INPP5B: variants seen among roughly 807,000 people sequenced by gnomAD.
INPP5B encodes inositol polyphosphate-5-phosphatase B, also known as type II inositol 1,4,5-trisphosphate 5-phosphatase.
A neutral mutation model predicts 118.5 loss-of-function variants in INPP5B; 90 were observed. That is an observed-to-expected ratio of 0.76 (90% CI 0.64 to 0.90). The LOEUF is 0.90. INPP5B is among the 40% of genes least tolerant of loss of function. The probability of loss-of-function intolerance (pLI) is 0.00; values close to 1 mark genes in which losing one functional copy is unlikely to be tolerated. For synonymous variants in INPP5B, 385 were observed against 418.9 expected (o/e 0.92, Z 0.99); for missense variants, 984 against 1,125.6 (o/e 0.87, Z 1.80).
chr1:37,944,855 G>A (rs1646062633), intron 3 of INPP5B, among the ~76,000 whole-genome samples: 1 of 152,084 alleles, frequency 6.6e-6, no homozygotes, highest in Non-Finnish European at 1.5e-5. Context: ...CTAGGCTCAA[G>A]CAATCTTCCT....
At position 37,881,329 on chromosome 1, in the gene INPP5B, C is replaced by T. The variant is rs567821124; in HGVS notation, c.1432-1135G>A. On this transcript the variant is annotated intron_variant, in intron 14 of 23. Transcript: ENST00000373024. Reference sequence around the variant, plus strand: ...CACTGTCAACTTAAACAGTGCCTGACACATTAGGAAAACAGCTAGCATCCT... The same window carrying T: ...CACTGTCAACTTAAACAGTGCCTGATACATTAGGAAAACAGCTAGCATCCT... 3.2e-4 allele frequency among the ~76,000 whole-genome samples: 48 copies of T among 152,268 alleles called. No homozygotes were observed. In the South Asian group the frequency reaches 9.1e-3, roughly 29 times the overall value.
intron 7 of INPP5B, among the ~76,000 whole-genome samples, chr1:37,910,293 G>A (rs1396692271): frequency 6.6e-6 from 1 of 152,064 alleles, no homozygotes; most frequent in African/African-American, 2.4e-5. Flanking sequence ...AACTGTTGTG[G>A]GTATTGACAG....
chr1:37,896,399 G>A (rs1482863069), intron 7 of INPP5B, among the ~76,000 whole-genome samples: 17 of 151,718 alleles, frequency 1.1e-4, no homozygotes, highest in Admixed American at 1.1e-3. Context: ...CCGCCCGGCA[G>A]CCACCTCGTC....
At chr1:37,885,897 T>C (rs1422506267) in intron 12 of INPP5B, 72 bp from the exon 13 acceptor site, 5 of 1,452,782 alleles carry the variant, frequency 3.4e-6, no homozygotes, top group Non-Finnish European at 4.8e-6. Context: ...ACAAACTTTC[T>C]GGCCGGGCAC....
At chr1:37,905,863 T>C (rs1644486247) in intron 7 of INPP5B, among the ~76,000 whole-genome samples, 1 of 152,240 alleles carries the variant, frequency 6.6e-6, no homozygotes, top group South Asian at 2.1e-4. Flanking sequence ...TGCTGATCCC[T>C]TGTTTTGTTG....
In INPP5B at chr1:37,874,117, T is replaced by A. The variant is rs1642640277; in HGVS notation, c.1827A>T (p.Val609=). 6.3e-7 allele frequency: 1 copy of A among 1,594,218 alleles called. No individual in the cohort carries two copies. The highest frequency in any genetic ancestry group is 1.3e-5 in the African/African-American group (1 of 74,634). ...FQNVKYMQLK[V]ESFTIHNGQV... ...GTCCATTATGAATTGTAAAGGATTC[T>A]ACTTTCAATTGCATGTACTTCACAT... The change falls in exon 18 of 24, where the codon GTA becomes GTT. Residue 609 remains valine, a synonymous_variant. Transcript: ENST00000373024.
chr1:37,931,617 G>C (rs1158298314), intron 7 of INPP5B: 28 of 1,536,882 alleles, frequency 1.8e-5, no homozygotes, highest in Non-Finnish European at 2.3e-5. Context: ...CGAGGGCCGG[G>C]CGCACCGCCG....
At chr1:37,944,756 AT>A (rs1646056296) in intron 3 of INPP5B, among the ~76,000 whole-genome samples, 1 of 130,822 alleles carries the variant, frequency 7.6e-6, no homozygotes, top group African/African-American at 2.8e-5. Flanking sequence ...TAATTTTCTT[AT>A]TTTTTGTAGA....
intron 7 of INPP5B, among the ~76,000 whole-genome samples, chr1:37,926,766 C>T (rs1012773940): frequency 6.6e-6 from 1 of 152,128 alleles, no homozygotes; most frequent in Admixed American, 6.6e-5. Context: ...GGATGCAATG[C>T]AGGTGAACAT....
chr1:37,900,610 G>C (rs1237712916), intron 7 of INPP5B, among the ~76,000 whole-genome samples: 1 of 148,834 alleles, frequency 6.7e-6, no homozygotes, highest in Admixed American at 6.7e-5. Flanking sequence ...TGTTTACTTT[G>C]AATTTTTCTT....
intron 13 of INPP5B, chr1:37,883,690 A>G: frequency 2.0e-6 from 2 of 985,460 alleles, no homozygotes; most frequent in Non-Finnish European, 2.4e-6. Flanking sequence ...CAGGTTCACC[A>G]GAATGGAAGA....
Position 37,946,302 on chromosome 1 carries a change from G to A in INPP5B, c.7C>T (p.Gln3Ter). The change falls in exon 2 of 24, where the codon CAG becomes TAG. Residue 3 changes from glutamine to a stop codon, truncating the protein, a stop_gained. Coordinates refer to ENST00000373024, the MANE Select transcript of INPP5B (RefSeq NM_005540.3). LOFTEE classifies it high-confidence loss of function. ...AGCGTCTCCTGGATTGCCACAGACT[G>A]GTCCATGCTGGCCCCTGCTGAGCGC... The part of the protein sequence containing the change: MD[Q>*]SVAIQETLAE... 1 of 1,611,542 alleles carries A rather than the reference G, an allele frequency of 6.2e-7. No homozygotes were observed. Among genetic ancestry groups the A allele is most frequent in the Non-Finnish European group, 8.5e-7 (1 of 1,178,966 alleles).
chr1:37,869,750 G>T (rs192423466), intron 19 of INPP5B, among the ~76,000 whole-genome samples: 44 of 152,154 alleles, frequency 2.9e-4, no homozygotes, highest in African/African-American at 9.4e-4. Flanking sequence ...AAAGTTCTGG[G>T]ATTACAGGCG....
chr1:37,866,745 C>A (rs1642073471), intron 20 of INPP5B, among the ~76,000 whole-genome samples: 1 of 152,130 alleles, frequency 6.6e-6, no homozygotes, highest in Non-Finnish European at 1.5e-5. Flanking sequence ...AATAGGTCTT[C>A]AGGCATCTAT....
At chr1:37,925,723 T>G (rs1233209145) in intron 7 of INPP5B, among the ~76,000 whole-genome samples, 2 of 152,132 alleles carry the variant, frequency 1.3e-5, no homozygotes, top group Non-Finnish European at 2.9e-5. Flanking sequence ...TCACTTGCTC[T>G]CAACAATAAC....
intron 23 of INPP5B, 59 bp from the exon 24 acceptor site, chr1:37,862,489 A>G (rs1297602654): frequency 3.1e-6 from 3 of 972,748 alleles, no homozygotes; most frequent in Non-Finnish European, 4.9e-6. Flanking sequence ...AAAGACACAC[A>G]TCACTTAACG....
rs534077266 is a variant in INPP5B, at chr1:37,898,589, G to T, written c.533-7135C>A. ...AGGCACCTGTAGTCCCAGCTACTCG[G>T]GAGGCTGAGGCAGGAGAATGGTGTG... On this transcript the variant is annotated intron_variant, in intron 7 of 23. Coordinates refer to ENST00000373024, the MANE Select transcript of INPP5B (RefSeq NM_005540.3). 7.2e-4 allele frequency among the ~76,000 whole-genome samples: 110 copies of T among 152,100 alleles called. 1 individual carries two copies. The highest frequency in any genetic ancestry group is 1.9e-3 in the South Asian group (9 of 4,814).
At chr1:37,945,920 C>T in intron 2 of INPP5B, 70 bp from the exon 3 acceptor site, 1 of 1,366,202 alleles carries the variant, frequency 7.3e-7, no homozygotes, top group Non-Finnish European at 1.0e-6. Flanking sequence ...TCCCACCTTC[C>T]CTCTGTTCCC....
chr1:37,894,789 G>A (rs1212344021), intron 7 of INPP5B, among the ~76,000 whole-genome samples: 1 of 152,120 alleles, frequency 6.6e-6, no homozygotes. Flanking sequence ...TCAAACTCCT[G>A]ACGTCAGGTC....
Sources: allele counts gnomAD v4.1 joint callset (sites outside exome capture counted in the v4.1 genomes callset), GRCh38; gene constraint gnomAD v4.1.1; transcripts MANE v1.5; gene names NCBI Gene and HGNC (gene_info 2026-07-23, HGNC 2026-07-21).